The following SLC9C2 variants were observed in gnomAD, a reference collection of about 807,000 sequenced individuals.
SLC9C2 encodes solute carrier family 9 member C2 (putative), also known as sodium/hydrogen exchanger 11.
Under a neutral mutation model 140.2 loss-of-function variants are expected in SLC9C2, and 75 were observed. The ratio of observed to expected loss-of-function variants is 0.53; its 90% confidence interval spans 0.44 to 0.65. The LOEUF (loss-of-function observed/expected upper bound fraction) is 0.65. Ranked by LOEUF, SLC9C2 falls within the 30% of genes least tolerant of loss-of-function variation. The pLI, the probability that SLC9C2 is intolerant of heterozygous loss-of-function variation, is 0.00. For missense variants in SLC9C2, 1,074 were observed against 1,331.8 expected, an observed-to-expected ratio of 0.81 and a Z score of 3.01; for synonymous variants, 375 against 420.9, an observed-to-expected ratio of 0.89 and a Z score of 1.34.
chr1:173,549,547 C>G (rs1323934985), intron 11 of SLC9C2, among the ~76,000 whole-genome samples: 1 of 152,182 alleles, frequency 6.6e-6, no homozygotes, highest in Non-Finnish European at 1.5e-5. Context: ...TTGGTGGCAC[C>G]AGTACATCTG....
chr1:173,576,290 T>TA (rs1365192970), intron 8 of SLC9C2, among the ~76,000 whole-genome samples: 2 of 152,344 alleles, frequency 1.3e-5, no homozygotes, highest in East Asian at 3.9e-4. Flanking sequence ...TGTTACATGT[T>TA]ACATCTTTCT....
intron 9 of SLC9C2, among the ~76,000 whole-genome samples, chr1:173,571,147 C>T (rs1571586715): frequency 6.6e-6 from 1 of 152,144 alleles, no homozygotes; most frequent in East Asian, 1.9e-4. Context: ...CCTCAGTAAA[C>T]ATTTTAAAAG....
intron 4 of SLC9C2, among the ~76,000 whole-genome samples, chr1:173,591,647 T>C (rs1666171686): frequency 6.6e-6 from 1 of 152,206 alleles, no homozygotes; most frequent in Non-Finnish European, 1.5e-5. Flanking sequence ...CTTTTTTTCA[T>C]ATGCTCGTTG....
intron 24 of SLC9C2, among the ~76,000 whole-genome samples, chr1:173,507,626 G>C (rs1431865385): frequency 2.6e-5 from 4 of 152,286 alleles, no homozygotes; most frequent in South Asian, 2.1e-4. Flanking sequence ...AATTAGTTAA[G>C]ATGAAGTCAT....
At chr1:173,559,684 C>T (rs1240363599) in intron 9 of SLC9C2, among the ~76,000 whole-genome samples, 2 of 152,230 alleles carry the variant, frequency 1.3e-5, no homozygotes, top group Admixed American at 1.3e-4. Flanking sequence ...GAGGAAAGAA[C>T]TTCAGATTCC....
chr1:173,558,736 T>C (rs1663886395), intron 9 of SLC9C2, among the ~76,000 whole-genome samples: 2 of 152,232 alleles, frequency 1.3e-5, no homozygotes, highest in South Asian at 2.1e-4. Flanking sequence ...TCAGCAATGC[T>C]TACTATGTTC....
chr1:173,538,372 A>G (rs1448792029), intron 13 of SLC9C2, among the ~76,000 whole-genome samples: 1 of 152,184 alleles, frequency 6.6e-6, no homozygotes, highest in Non-Finnish European at 1.5e-5. Context: ...GTAGGCCTGG[A>G]TCAAGAAAAT....
chr1:173,579,362 T>G (rs1174984108), intron 7 of SLC9C2, among the ~76,000 whole-genome samples: 5 of 152,190 alleles, frequency 3.3e-5, no homozygotes, highest in Non-Finnish European at 7.3e-5. Flanking sequence ...TCAGCCACAG[T>G]AGATGTATTT....
chr1:173,590,933 T>C (rs762565391), intron 4 of SLC9C2, among the ~76,000 whole-genome samples: 6 of 152,204 alleles, frequency 3.9e-5, no homozygotes, highest in African/African-American at 1.2e-4. Flanking sequence ...CTGGGGTACA[T>C]GTGTAGGGTT....
chr1:173,587,660 C>G lies in SLC9C2; in HGVS notation c.523+5G>C, dbSNP rs1665934440. On this transcript the variant is annotated splice_donor_5th_base_variant and intron_variant, in intron 5 of 27. Transcript: ENST00000367714. ...AGATAAGAGAGAGAAATAAATGTGA[C>G]ATACCAATAGTTTTTAGTGAATTCA... The G allele has an allele frequency of 6.2e-7, 1 of 1,603,418 alleles. No homozygotes were observed. The highest frequency in any genetic ancestry group is 8.5e-7 in the Non-Finnish European group (1 of 1,174,282).
In SLC9C2 at chr1:173,545,295, C is replaced by T. The variant is rs755601774; in HGVS notation, c.1557+2394G>A. 4.3e-4 allele frequency among the ~76,000 whole-genome samples: 66 copies of T among 152,134 alleles called. 2 individuals are homozygous for T. The highest frequency in any genetic ancestry group is 3.3e-4 in the Admixed American group (5 of 15,270). On this transcript the variant is annotated intron_variant, in intron 13 of 27. Transcript: ENST00000367714. ...TTGTGCTAGATTGGACAAAAAGGGA[C>T]GGAGACAGTTCTAAGTGAATATAAA...
At chr1:173,602,543 C>G (rs1246815835) in intron 1 of SLC9C2, among the ~76,000 whole-genome samples, 2 of 152,190 alleles carry the variant, frequency 1.3e-5, no homozygotes, top group Non-Finnish European at 2.9e-5. Flanking sequence ...AGCCTGTCAA[C>G]AAGGCACATG....
chr1:173,528,859 T>C (rs1661381021), intron 18 of SLC9C2, among the ~76,000 whole-genome samples: 1 of 152,120 alleles, frequency 6.6e-6, no homozygotes, highest in Admixed American at 6.6e-5. Context: ...TATGAAAATA[T>C]AACCAAAATC....
intron 8 of SLC9C2, among the ~76,000 whole-genome samples, chr1:173,574,431 T>C (rs571675722): frequency 6.6e-6 from 1 of 151,788 alleles, no homozygotes; most frequent in South Asian, 2.1e-4. Flanking sequence ...AGAGTTTGAG[T>C]GAGGGGACCT....
At chr1:173,565,864 T>G (rs1664438660) in intron 9 of SLC9C2, among the ~76,000 whole-genome samples, 1 of 152,176 alleles carries the variant, frequency 6.6e-6, no homozygotes, top group African/African-American at 2.4e-5. Context: ...TTTTTTATCA[T>G]GAAGGCATGT....
Position 173,521,349 on chromosome 1 carries a change from T to C in SLC9C2, c.2691A>G (p.Gly897=). Residue 897 remains glycine (G), a synonymous_variant, in exon 22 of 28, where the codon GGA becomes GGG. Transcript: ENST00000367714. The stretch of plus-strand genomic sequence containing the variant: ...AGTAGATTCCTTGTGGCATTTCACC[T>C]CCTTTACAAATGGTATCTCCAGAGT... ...CFDSGDTICK[G]GEMPQGIYLI... is the part of the protein sequence containing the mutation. 6.4e-7 allele frequency: 1 copy of C among 1,557,880 alleles called. No individual in the cohort carries two copies. Among genetic ancestry groups the C allele is most frequent in the African/African-American group, 1.4e-5 (1 of 71,280 alleles).
In SLC9C2 at chr1:173,547,788, A is replaced by G. The variant is rs747537451; in HGVS notation, c.1462-4T>C. 3.1e-5 allele frequency: 50 copies of G among 1,600,366 alleles called. No individual in the cohort carries two copies. The South Asian group carries it at 5.1e-4, about 16-fold the overall frequency. On this transcript the variant is annotated splice_polypyrimidine_tract_variant and splice_region_variant and intron_variant, in intron 12 of 27. Coordinates refer to ENST00000367714, the MANE Select transcript of SLC9C2 (RefSeq NM_178527.4). ...CATTATGTGAAACGTGGGAAAACTGAACCGTATCAGATGACATTTTAAAAC... is the reference window on the plus strand; with the variant it reads ...CATTATGTGAAACGTGGGAAAACTGGACCGTATCAGATGACATTTTAAAAC...
At chr1:173,553,605 C>A (rs1248095250) in intron 11 of SLC9C2, among the ~76,000 whole-genome samples, 2 of 152,164 alleles carry the variant, frequency 1.3e-5, no homozygotes, top group East Asian at 3.9e-4. Context: ...ATTTTTTTAG[C>A]AAGAAAGCAT....
chr1:173,598,473 T>C (rs1337586482), intron 3 of SLC9C2, among the ~76,000 whole-genome samples: 1 of 152,198 alleles, frequency 6.6e-6, no homozygotes, highest in Non-Finnish European at 1.5e-5. Context: ...AATCTTTAAG[T>C]GAGTCAGTAG....
Sources: gnomAD v4.1 joint callset for allele counts (sites outside exome capture counted in the v4.1 genomes callset) on GRCh38, gnomAD v4.1.1 for gene constraint, MANE v1.5 for transcripts, NCBI Gene and HGNC (gene_info 2026-07-23, HGNC 2026-07-21) for gene names.